The following APPL2 variants were observed in gnomAD, a reference collection of about 807,000 sequenced individuals.
The protein encoded by APPL2 is DCC-interacting protein 13-beta.
Under a neutral mutation model 92.7 loss-of-function variants are expected in APPL2, and 84 were observed. The ratio of observed to expected loss-of-function variants is 0.91; its 90% CI spans 0.76 to 1.09. APPL2 has a LOEUF of 1.09. Ranked by LOEUF, APPL2 falls within the 50% of genes least tolerant of loss-of-function variation. The pLI, the probability that APPL2 is intolerant of heterozygous loss-of-function variation, is 0.00. For missense variants in APPL2, 736 were observed against 824.5 expected (o/e 0.89, Z 1.31); for synonymous variants, 291 against 291.0 (o/e 1.00, Z 0.00).
At chr12:105,198,352 A>G (rs546993796) in intron 10 of APPL2, among the ~76,000 whole-genome samples, 140 of 152,258 alleles carry the variant, frequency 9.2e-4, no homozygotes, top group Non-Finnish European at 1.1e-3. Context: ...CACCCACCCC[A>G]TAGTCCTAGG....
chr12:105,186,699 C>CATATATCATAT (rs145976697), intron 17 of APPL2, among the ~76,000 whole-genome samples: 1 of 134,570 alleles, frequency 7.4e-6, no homozygotes, highest in Non-Finnish European at 1.5e-5. Flanking sequence ...TATCATATAT[C>CATATATCATAT]ATATCATATA....
chr12:105,174,361 C>T lies in APPL2; in HGVS notation c.1948G>A (p.Asp650Asn), dbSNP rs149610989. The T allele has an allele frequency of 1.4e-4, 232 of 1,613,984 alleles. 2 individuals are homozygous for T. The Middle Eastern group carries it at 2.5e-3, about 17-fold the overall frequency. The change falls in exon 21 of 21, where the codon GAT (aspartate) becomes AAT (asparagine). Residue 650 changes from aspartate (D) to asparagine (N), a missense_variant. Transcript: ENST00000258530. ...CTATGTTCGTTTGGATTTCCATCAT[C>T]GTCATCTGGTTGATCGTTTAACAGT... ...YVLLNDQPDD[D>N]DGNPNEHRGA... is the part of the protein sequence containing the mutation.
chr12:105,219,233 A>G (rs759324607), intron 2 of APPL2, among the ~76,000 whole-genome samples: 3 of 152,224 alleles, frequency 2.0e-5, no homozygotes, highest in African/African-American at 7.2e-5. Context: ...CAGTAGAGCC[A>G]AGTCCTACCT....
intron 10 of APPL2, 66 bp downstream of exon 10, chr12:105,199,307 T>C: frequency 2.6e-6 from 4 of 1,556,760 alleles, no homozygotes; most frequent in Middle Eastern, 2.2e-4. Flanking sequence ...GCACGTAAGA[T>C]TGCTTTTCAG....
chr12:105,207,244 A>G (rs748063558), intron 7 of APPL2, 37 bp from the exon 8 acceptor site: 15 of 1,579,800 alleles, frequency 9.5e-6, no homozygotes, highest in African/African-American at 8.1e-5. Flanking sequence ...CAAGTTGTCT[A>G]CTGTACGTGA....
chr12:105,232,396 G>A (rs545506413), intron 1 of APPL2, among the ~76,000 whole-genome samples: 15 of 152,332 alleles, frequency 9.8e-5, no homozygotes, highest in African/African-American at 2.9e-4. Context: ...AATAGTGTGT[G>A]TAATTGTGTA....
chr12:105,218,918 T>C (rs1341259358), intron 2 of APPL2, among the ~76,000 whole-genome samples: 2 of 152,230 alleles, frequency 1.3e-5, no homozygotes, highest in Non-Finnish European at 2.9e-5. Flanking sequence ...CCTCTCCTCT[T>C]GTTTATTCCT....
Position 105,197,599 on chromosome 12 carries a change from G to A in APPL2, c.1052+166C>T, listed in dbSNP as rs890017064. The stretch of plus-strand genomic sequence containing the variant: ...AGGCTGGATCCCTTATGGGTCATGC[G>A]GGCTTGTTTAAAGAGAGCAGAAAAT... On this transcript the variant is annotated intron_variant, in intron 11 of 20. Coordinates refer to ENST00000258530, the MANE Select transcript of APPL2 (RefSeq NM_018171.5). Among the ~76,000 whole-genome samples, 60 of 152,116 alleles carry A rather than the reference G, an allele frequency of 3.9e-4. 3 individuals carry two copies. The highest frequency in any genetic ancestry group is 2.8e-4 in the Non-Finnish European group (19 of 68,026).
intron 9 of APPL2, among the ~76,000 whole-genome samples, chr12:105,200,650 A>G (rs1888083125): frequency 6.6e-6 from 1 of 152,362 alleles, no homozygotes; most frequent in East Asian, 1.9e-4. Flanking sequence ...CATCCATCTG[A>G]GAAATCACAA....
At chr12:105,211,719 T>C (rs1889235898) in intron 4 of APPL2, among the ~76,000 whole-genome samples, 1 of 152,158 alleles carries the variant, frequency 6.6e-6, no homozygotes, top group South Asian at 2.1e-4. Context: ...CTCGACTCTC[T>C]CACTCTCCAG....
chr12:105,174,460 A>G lies in APPL2; in HGVS notation c.1861-12T>C. On this transcript the variant is annotated splice_polypyrimidine_tract_variant and intron_variant, in intron 20 of 20. Coordinates refer to ENST00000258530, the MANE Select transcript of APPL2 (RefSeq NM_018171.5). ...AGTGCTTCTGGATCCTGAAGTTAGG[A>G]GAGTTTAAAAGGGAAAAAAGAAAAG... 6.2e-7 allele frequency: 1 copy of G among 1,606,050 alleles called. No homozygotes were observed. Among genetic ancestry groups the G allele is most frequent in the African/African-American group, 1.3e-5 (1 of 74,344 alleles).
intron 5 of APPL2, among the ~76,000 whole-genome samples, chr12:105,208,843 A>AC (rs1423852927): frequency 1.3e-5 from 2 of 152,196 alleles, no homozygotes; most frequent in Admixed American, 1.3e-4. Flanking sequence ...AAGGTTAGAA[A>AC]CTTAAAAACC....
intron 2 of APPL2, among the ~76,000 whole-genome samples, chr12:105,224,823 C>G (rs553191360): frequency 2.0e-5 from 3 of 152,190 alleles, no homozygotes; most frequent in Admixed American, 2.0e-4. Context: ...GTTTCCCACT[C>G]GGTACATTCA....
At chr12:105,218,589 A>T (rs903666562) in intron 2 of APPL2, among the ~76,000 whole-genome samples, 1 of 152,244 alleles carries the variant, frequency 6.6e-6, no homozygotes, top group Non-Finnish European at 1.5e-5. Flanking sequence ...CTGTCTGAAC[A>T]GCTCTGAAGT....
At chr12:105,199,197 C>T (rs181025213) in intron 10 of APPL2, 176 bp downstream of exon 10, 32 of 695,760 alleles carry the variant, frequency 4.6e-5, no homozygotes, top group Middle Eastern at 8.3e-4. Flanking sequence ...TGCAGTTTGG[C>T]GCCTGGGCCC....
chr12:105,193,582 C>G (rs1342543229), intron 14 of APPL2, among the ~76,000 whole-genome samples: 1 of 152,252 alleles, frequency 6.6e-6, no homozygotes, highest in Non-Finnish European at 1.5e-5. Context: ...CCCTCGCTGA[C>G]TGGATCTTTA....
intron 7 of APPL2, among the ~76,000 whole-genome samples, 193 bp from the exon 8 acceptor site, chr12:105,207,400 C>T (rs1888816324): frequency 6.6e-6 from 1 of 152,176 alleles, no homozygotes; most frequent in Non-Finnish European, 1.5e-5. Flanking sequence ...CATCTCAGTG[C>T]TTGTGAGGCC....
chr12:105,221,662 C>T (rs1890111943), intron 2 of APPL2, among the ~76,000 whole-genome samples: 1 of 152,162 alleles, frequency 6.6e-6, no homozygotes, highest in African/African-American at 2.4e-5. Flanking sequence ...GTTCCATGAG[C>T]AGCATTGTTT....
chr12:105,235,221 G>A (rs1891160632), intron 1 of APPL2: 1 of 152,200 alleles, frequency 6.6e-6, no homozygotes, highest in Non-Finnish European at 1.5e-5. Flanking sequence ...GGGGAAAGAT[G>A]TGCTGAATTA....
Sources: allele counts gnomAD v4.1 joint callset (sites outside exome capture counted in the v4.1 genomes callset), GRCh38; gene constraint gnomAD v4.1.1; transcripts MANE v1.5; gene names NCBI Gene and HGNC (gene_info 2026-07-23, HGNC 2026-07-21).